Variants in USP4 observed in about 807,000 individuals in gnomAD.
USP4 encodes ubiquitin carboxyl-terminal hydrolase 4.
A neutral mutation model predicts 118.2 loss-of-function variants in USP4; 72 were observed. The ratio of observed to expected loss-of-function variants is 0.61; its 90% confidence interval spans 0.50 to 0.74. The LOEUF (loss-of-function observed/expected upper bound fraction) is 0.74, where lower values mean the gene tolerates loss of function less well. Ranked by LOEUF, USP4 falls within the 30% of genes least tolerant of loss-of-function variation. The probability of loss-of-function intolerance (pLI) is 0.00; values close to 1 mark genes in which losing one functional copy is unlikely to be tolerated. For missense variants in USP4, 1,037 were observed against 1,185.7 expected (o/e 0.87, Z 1.84); for synonymous variants, 415 against 440.4 (o/e 0.94, Z 0.72).
At chr3:49,339,639 C>T (rs2047714193) in intron 1 of USP4, among the ~76,000 whole-genome samples, 1 of 152,190 alleles carries the variant, frequency 6.6e-6, no homozygotes, top group Admixed American at 6.6e-5. Context: ...GGGCTCTCCC[C>T]ACCCTTAGGG....
chr3:49,298,723 G>A, intron 11 of USP4, 88 bp from the exon 12 acceptor site: 1 of 1,166,402 alleles, frequency 8.6e-7, no homozygotes. Flanking sequence ...TAGGGGCAGA[G>A]GAGCCCTTCT....
intron 15 of USP4, among the ~76,000 whole-genome samples, chr3:49,288,806 G>C (rs920512130): frequency 6.6e-6 from 1 of 152,014 alleles, no homozygotes. Context: ...TGTCAGTAGA[G>C]GTTAAAAATG....
At chr3:49,338,087 G>A (rs2047691185) in intron 1 of USP4, among the ~76,000 whole-genome samples, 1 of 128,128 alleles carries the variant, frequency 7.8e-6, no homozygotes, top group Non-Finnish European at 1.6e-5. Flanking sequence ...TCTCTATGCT[G>A]TTTTACAATT....
chr3:49,323,017 G>A (rs1308051363), intron 6 of USP4, among the ~76,000 whole-genome samples: 4 of 151,180 alleles, frequency 2.6e-5, no homozygotes, highest in Non-Finnish European at 4.4e-5. Flanking sequence ...CCCCAGGCTA[G>A]AGTGCAATGG....
intron 7 of USP4, among the ~76,000 whole-genome samples, chr3:49,311,177 G>A (rs962970417): frequency 2.6e-4 from 8 of 30,388 alleles, no homozygotes; most frequent in African/African-American, 4.9e-4. Context: ...AAAGGATCAC[G>A]GCCATCCACA....
chr3:49,297,843 C>G, intron 13 of USP4, 27 bp downstream of exon 13: 1 of 1,565,490 alleles, frequency 6.4e-7, no homozygotes, highest in Non-Finnish European at 8.8e-7. Flanking sequence ...CTGACCTGAC[C>G]TGCAGCAGAA....
At chr3:49,320,348 A>G (rs1352084343) in intron 6 of USP4, among the ~76,000 whole-genome samples, 1 of 152,212 alleles carries the variant, frequency 6.6e-6, no homozygotes, top group Non-Finnish European at 1.5e-5. Context: ...AGGCTGAGGC[A>G]GGAGAATTGC....
chr3:49,327,635 G>A, intron 3 of USP4, 51 bp downstream of exon 3: 1 of 1,606,898 alleles, frequency 6.2e-7, no homozygotes, highest in Non-Finnish European at 8.5e-7. Context: ...GTGTCCAACA[G>A]AAAGCACCTG....
chr3:49,337,537 C>T (rs907195416), intron 1 of USP4, among the ~76,000 whole-genome samples: 4 of 152,126 alleles, frequency 2.6e-5, no homozygotes, highest in South Asian at 2.1e-4. Context: ...TCAAGTGATC[C>T]TCCTGCCTCA....
rs2047180985 is a variant in USP4, at chr3:49,294,331, T to G, written c.1883+76A>C. On this transcript the variant is annotated intron_variant, in intron 14 of 21. Transcript: ENST00000265560. ...AGCATGTAGGATCAACACAGCCACTTGGCAGGAGTTGCCACTACTATTACT... is the reference window on the plus strand; with the variant it reads ...AGCATGTAGGATCAACACAGCCACTGGGCAGGAGTTGCCACTACTATTACT... 10 of 1,472,042 alleles carry G rather than the reference T, an allele frequency of 6.8e-6. No individual in the cohort carries two copies. The Admixed American group carries it at 7.6e-5, about 11-fold the overall frequency. 91.2% of individuals were successfully genotyped at this position (1,472,042 alleles called of 1,614,324 possible).
intron 20 of USP4, chr3:49,279,111 G>A (rs890168039): frequency 4.6e-5 from 16 of 346,012 alleles, no homozygotes; most frequent in African/African-American, 3.0e-4. Context: ...GCTAAAAATG[G>A]AGCTGTCAGG....
intron 9 of USP4, among the ~76,000 whole-genome samples, chr3:49,305,419 T>C (rs1226204010): frequency 8.0e-6 from 1 of 125,534 alleles, no homozygotes; most frequent in Non-Finnish European, 1.7e-5. Flanking sequence ...AAGGAATGCC[T>C]CATAACAACA....
chr3:49,311,626 TA>T lies in USP4; in HGVS notation c.723del (p.Phe241LeufsTer73). ...SKSSTAPSRN[F>X]TTSPKSSASP... is the part of the protein sequence containing the mutation. ...CTTGCTGATGATTTTGGAGAGGTAG[TA>T]AAATTTCTGCTAGGCGCAGTGCTTG... On this transcript the variant is annotated frameshift_variant, in exon 7 of 22. Transcript: ENST00000265560. LOFTEE classifies it high-confidence loss of function. 6.2e-7 allele frequency: 1 copy of T among 1,613,974 alleles called. No individual in the cohort carries two copies. The highest frequency in any genetic ancestry group is 2.2e-5 in the East Asian group (1 of 44,876).
rs1207362223 is a variant in USP4 at position 49,292,598 on chromosome 3, G to C, written c.1884C>G (p.Ser628Arg). 6.4e-7 allele frequency: 1 copy of C among 1,570,174 alleles called. No individual in the cohort carries two copies. The highest frequency in any genetic ancestry group is 1.4e-5 in the African/African-American group (1 of 72,632). Residue 628 changes from serine (S) to arginine (R), a missense_variant and splice_region_variant, in exon 15 of 22, where the codon AGC (serine) becomes AGG (arginine). This residue lies in a region of USP4 where 522 missense variants were observed against 592.6 expected (regional missense o/e 0.88). Transcript: ENST00000265560. ...CAGGTAAAGGCTGTTTCACATAGCGGCTTCAAAAAGAGAAAAAGAGAAGAA... is the reference window on the plus strand; with the variant it reads ...CAGGTAAAGGCTGTTTCACATAGCGCCTTCAAAAAGAGAAAAAGAGAAGAA... ...SLYQAVCDRI[S>R]RYVKQPLPDE...
At chr3:49,319,400 C>T (rs1019806042) in intron 6 of USP4, among the ~76,000 whole-genome samples, 2 of 151,596 alleles carry the variant, frequency 1.3e-5, no homozygotes, top group African/African-American at 2.4e-5. Flanking sequence ...AGGAGCATGC[C>T]ATCACACCCA....
In USP4 at chr3:49,298,607, G is replaced by GC; in HGVS notation, c.1540dup (p.Ala514GlyfsTer27). 1 of 1,614,166 alleles carries GC rather than the reference G, an allele frequency of 6.2e-7. No individual in the cohort carries two copies. The highest frequency in any genetic ancestry group is 8.5e-7 in the Non-Finnish European group (1 of 1,180,014). On this transcript the variant is annotated frameshift_variant, in exon 12 of 22. Transcript: ENST00000265560. LOFTEE classifies it high-confidence loss of function. ...GAGAGCCTCGCACAGGTCGGACACAGCCCCCATCAGCGGCACAGTCACACG... is the reference window on the plus strand; with the variant it reads ...GAGAGCCTCGCACAGGTCGGACACAGCCCCCCATCAGCGGCACAGTCACACG...
At position 49,327,716 on chromosome 3, in the gene USP4, A is replaced by G. The variant is rs76222826; in HGVS notation, c.330T>C (p.Cys110=). 5.6e-6 allele frequency: 9 copies of G among 1,614,022 alleles called. No homozygotes were observed. The highest frequency in any genetic ancestry group is 7.6e-6 in the Non-Finnish European group (9 of 1,180,024). The stretch of plus-strand genomic sequence containing the variant: ...TGACGATGGGTTGCTGGCCTTCTAC[A>G]CAGCCGTACCAGTTTAGTAGTTTAT... ...AWNKLLNWYG[C]VEGQQPIVRK... The change falls in exon 3 of 22, where the codon TGT becomes TGC. Residue 110 remains cysteine (C), a synonymous_variant. Transcript: ENST00000265560.
chr3:49,286,863 T>TATC (rs1559465322), intron 15 of USP4, among the ~76,000 whole-genome samples: 2 of 151,230 alleles, frequency 1.3e-5, no homozygotes, highest in East Asian at 3.9e-4. Flanking sequence ...TCTATCTATC[T>TATC]ATCTGAGATG....
At chr3:49,285,315 A>AG (rs1358964183) in intron 16 of USP4, among the ~76,000 whole-genome samples, 6 of 151,940 alleles carry the variant, frequency 3.9e-5, no homozygotes, top group African/African-American at 1.2e-4. Flanking sequence ...AAAAAAAAAA[A>AG]GAGACCCCTA....
Sources: allele counts gnomAD v4.1 joint callset (sites outside exome capture counted in the v4.1 genomes callset), GRCh38; gene constraint gnomAD v4.1.1; regional missense constraint gnomAD v4.1.1; transcripts MANE v1.5; gene names NCBI Gene and HGNC (gene_info 2026-07-23, HGNC 2026-07-21).